Variants in NPHP4 observed in about 807,000 individuals in gnomAD.
NPHP4 encodes nephrocystin-4.
Under a neutral mutation model 155.8 loss-of-function variants are expected in NPHP4, and 151 were observed. The observed-to-expected ratio is 0.97, with a 90% CI of 0.85 to 1.11. The LOEUF is 1.11. Ranked by LOEUF, NPHP4 falls within the 50% of genes least tolerant of loss-of-function variation. The pLI, the probability that NPHP4 is intolerant of heterozygous loss-of-function variation, is 0.00. For missense variants in NPHP4, 1,956 were observed against 1,925.7 expected (o/e 1.02, Z -0.29); for synonymous variants, 845 against 816.8 (o/e 1.03, Z -0.59).
At chr1:5,979,578 C>A (rs796116352) in intron 2 of NPHP4, among the ~76,000 whole-genome samples, 25 of 152,184 alleles carry the variant, frequency 1.6e-4, no homozygotes, top group African/African-American at 6.0e-4. Flanking sequence ...CGTCTGTCAC[C>A]CAGGCTGGAG....
chr1:5,877,267 C>G lies in NPHP4; in HGVS notation c.2643G>C (p.Ala881=). The G allele has an allele frequency of 6.2e-7, 1 of 1,602,164 alleles. No homozygotes were observed. The highest frequency in any genetic ancestry group is 8.5e-7 in the Non-Finnish European group (1 of 1,170,948). Residue 881 remains alanine (A), a synonymous_variant, in exon 20 of 30, where the codon GCG becomes GCC. Coordinates refer to ENST00000378156, the MANE Select transcript of NPHP4 (RefSeq NM_015102.5). The part of the protein sequence containing the change: ...RKHVVQAQKL[A]DVDSELAAML... The stretch of plus-strand genomic sequence containing the variant: ...TGGCAGCCAGCTCACTGTCCACGTC[C>G]GCCAGCTTCTGTGCTTGCACCACGT...
chr1:5,897,973 G>C (rs1039469363), intron 16 of NPHP4, among the ~76,000 whole-genome samples: 2 of 152,240 alleles, frequency 1.3e-5, no homozygotes, highest in African/African-American at 4.8e-5. Context: ...TATGGGATTA[G>C]GGCTCTCGCA....
In NPHP4 at chr1:5,967,603, C is replaced by A. The variant is rs182782692; in HGVS notation, c.453-240G>T. 4.3e-3 allele frequency among the ~76,000 whole-genome samples: 651 copies of A among 152,314 alleles called. 7 individuals carry two copies. Among genetic ancestry groups the A allele is most frequent in the African/African-American group, 0.015 (604 of 41,568 alleles). On this transcript the variant is annotated intron_variant, in intron 4 of 29. Transcript: ENST00000378156. ...CCAAGGCAGCCTGAGAATTGAGGAG[C>A]TTTCCTGGAAAACACCATGGAAATT...
At chr1:5,961,323 T>C (rs540812949) in intron 6 of NPHP4, among the ~76,000 whole-genome samples, 2 of 152,312 alleles carry the variant, frequency 1.3e-5, no homozygotes, top group South Asian at 2.1e-4. Context: ...CAGGGATGGA[T>C]GGTGCTGCTG....
At chr1:5,974,628 G>A (rs932152159) in intron 3 of NPHP4, among the ~76,000 whole-genome samples, 2 of 151,778 alleles carry the variant, frequency 1.3e-5, no homozygotes, top group Non-Finnish European at 2.9e-5. Flanking sequence ...GAGCTGAGAC[G>A]TGTCTGGGGA....
chr1:5,880,390 G>T, intron 18 of NPHP4, 151 bp from the exon 19 acceptor site: 1 of 725,158 alleles, frequency 1.4e-6, no homozygotes, highest in African/African-American at 1.8e-5. Flanking sequence ...TGAATGTTTT[G>T]CAATTGAGAG....
intron 2 of NPHP4, among the ~76,000 whole-genome samples, chr1:5,980,876 T>C (rs1263508015): frequency 6.6e-6 from 1 of 152,028 alleles, no homozygotes; most frequent in Admixed American, 6.6e-5. Flanking sequence ...CCAGCTCCCA[T>C]TACCACGCTA....
intron 6 of NPHP4, among the ~76,000 whole-genome samples, chr1:5,957,160 T>C (rs1415661814): frequency 6.6e-6 from 1 of 152,210 alleles, no homozygotes; most frequent in African/African-American, 2.4e-5. Context: ...AATTTATCTG[T>C]TGCCAAGTCT....
At chr1:5,922,801 C>G (rs1444404923) in intron 11 of NPHP4, among the ~76,000 whole-genome samples, 2 of 150,270 alleles carry the variant, frequency 1.3e-5, no homozygotes, top group East Asian at 3.9e-4. Context: ...GTGGCACTGC[C>G]TGCAGTCCTG....
intron 16 of NPHP4, among the ~76,000 whole-genome samples, chr1:5,904,031 T>A (rs1644797015): frequency 6.6e-6 from 1 of 152,194 alleles, no homozygotes; most frequent in Admixed American, 6.5e-5. Flanking sequence ...GAACAACACC[T>A]TTATGTTACC....
intron 1 of NPHP4, among the ~76,000 whole-genome samples, chr1:5,988,267 G>T (rs774719963): frequency 1.2e-4 from 18 of 152,198 alleles, no homozygotes; most frequent in African/African-American, 4.1e-4. Flanking sequence ...TATCCACAAT[G>T]ACCCAAGAGA....
intron 6 of NPHP4, among the ~76,000 whole-genome samples, chr1:5,955,275 T>C (rs1040338438): frequency 1.3e-5 from 2 of 152,150 alleles, no homozygotes; most frequent in African/African-American, 2.4e-5. Flanking sequence ...ACCTATACAA[T>C]ACGGGTGGGA....
In NPHP4 at chr1:5,865,241, C is replaced by A. The variant is rs1192797777; in HGVS notation, c.3677G>T (p.Trp1226Leu). 6.3e-7 allele frequency: 1 copy of A among 1,587,676 alleles called. No individual in the cohort carries two copies. The highest frequency in any genetic ancestry group is 1.3e-5 in the African/African-American group (1 of 74,470). The change falls in exon 27 of 30, where the codon TGG (tryptophan) becomes TTG (leucine). Residue 1226 changes from tryptophan (W) to leucine (L), a missense_variant. By Grantham distance (61) the Trp-to-Leu change is moderately conservative. Transcript: ENST00000378156. ...DRWLATPTQT[W>L]QVYLHSLQRV... Reference sequence around the variant, plus strand: ...CTGCAGGGAGTGGAGGTAGACCTGCCACGTCTGTGTGGGTGTCGCCAGCCA... The same window carrying A: ...CTGCAGGGAGTGGAGGTAGACCTGCAACGTCTGTGTGGGTGTCGCCAGCCA...
At chr1:5,971,698 T>C (rs1652600949) in intron 3 of NPHP4, among the ~76,000 whole-genome samples, 1 of 152,216 alleles carries the variant, frequency 6.6e-6, no homozygotes, top group African/African-American at 2.4e-5. Flanking sequence ...AGCTGAGGAA[T>C]ACCTGTACAC....
chr1:5,992,091 G>A (rs1411498813), intron 1 of NPHP4, among the ~76,000 whole-genome samples, 153 bp downstream of exon 1: 1 of 152,052 alleles, frequency 6.6e-6, no homozygotes, highest in Non-Finnish European at 1.5e-5. Context: ...CCGCACCCCA[G>A]GCACCGGGCC....
intron 1 of NPHP4, among the ~76,000 whole-genome samples, chr1:5,986,674 T>C (rs926839868): frequency 4.6e-5 from 7 of 152,120 alleles, no homozygotes; most frequent in African/African-American, 1.4e-4. Context: ...CTTGTCAACT[T>C]TGAACTATGC....
At chr1:5,904,910 G>T in intron 15 of NPHP4, 106 bp from the exon 16 acceptor site, 1 of 1,173,098 alleles carries the variant, frequency 8.5e-7, no homozygotes, top group Non-Finnish European at 1.3e-6. Context: ...TAGTCGCTGG[G>T]GAACAGTAAA....
Position 5,907,184 on chromosome 1 carries a change from C to G in NPHP4, c.1542G>C (p.Pro514=). The change falls in exon 13 of 30, where the codon CCG becomes CCC. Residue 514 remains proline, a synonymous_variant. Coordinates refer to ENST00000378156, the MANE Select transcript of NPHP4 (RefSeq NM_015102.5). ...TAGGCCTGGCCAAGCAGTGCTGAGT[C>G]GGGGACCGCGGGGAGGCCGCCAGCT... ...ISQLAASPRS[P]TQHCLARPTS... 1 of 1,588,106 alleles carries G rather than the reference C, an allele frequency of 6.3e-7. No homozygotes were observed. The highest frequency in any genetic ancestry group is 8.6e-7 in the Non-Finnish European group (1 of 1,166,766).
chr1:5,943,955 T>A (rs796295946), intron 9 of NPHP4, among the ~76,000 whole-genome samples: 2 of 151,922 alleles, frequency 1.3e-5, no homozygotes, highest in Non-Finnish European at 2.9e-5. Context: ...AGCGATAAAT[T>A]GGGGGTTGGA....
Sources: allele counts gnomAD v4.1 joint callset (sites outside exome capture counted in the v4.1 genomes callset), GRCh38; gene constraint gnomAD v4.1.1; transcripts MANE v1.5; gene names NCBI Gene and HGNC (gene_info 2026-07-23, HGNC 2026-07-21).